Variants in SORBS2 observed in about 807,000 individuals in gnomAD.
SORBS2 encodes the protein sorbin and SH3 domain-containing protein 2.
A neutral mutation model predicts 97.7 loss-of-function variants in SORBS2; 46 were observed. That is an observed-to-expected ratio of 0.47 (90% CI 0.37 to 0.60). The LOEUF is 0.60. Ranked by LOEUF, SORBS2 falls within the 20% of genes least tolerant of loss-of-function variation. The pLI, the probability that SORBS2 is intolerant of heterozygous loss-of-function variation, is 0.00. For synonymous variants in SORBS2, 476 were observed against 473.4 expected, an observed-to-expected ratio of 1.01 and a Z score of -0.07; for missense variants, 1,316 against 1,282.3, an observed-to-expected ratio of 1.03 and a Z score of -0.40.
chr4:185,771,745 C>T (rs2098972803), intron 2 of SORBS2: 1 of 152,060 alleles, frequency 6.6e-6, no homozygotes, highest in Non-Finnish European at 1.5e-5. Flanking sequence ...CCAAAGATAG[C>T]CTAAATCTTT....
intron 1 of SORBS2, among the ~76,000 whole-genome samples, chr4:185,806,470 T>A (rs2099155323): frequency 1.6e-5 from 1 of 62,666 alleles, no homozygotes; most frequent in Admixed American, 2.0e-4. Flanking sequence ...TTTTTTTTTT[T>A]TTTTTGAGAC....
At chr4:185,779,938 G>A (rs1334888005) in intron 1 of SORBS2, among the ~76,000 whole-genome samples, 1 of 151,928 alleles carries the variant, frequency 6.6e-6, no homozygotes, top group Non-Finnish European at 1.5e-5. Context: ...GAAGGGATGG[G>A]GATGAACAGG....
At chr4:185,631,443 T>C (rs1362985443) in intron 4 of SORBS2, among the ~76,000 whole-genome samples, 2 of 152,184 alleles carry the variant, frequency 1.3e-5, no homozygotes, top group African/African-American at 4.8e-5. Flanking sequence ...GTGTTTGAGG[T>C]GACACTGTGG....
intron 1 of SORBS2, among the ~76,000 whole-genome samples, chr4:185,815,690 T>G (rs559549089): frequency 2.6e-5 from 4 of 152,290 alleles, no homozygotes; most frequent in East Asian, 1.9e-4. Context: ...TATCTATCTA[T>G]CTAGCTTCTA....
intron 1 of SORBS2, among the ~76,000 whole-genome samples, chr4:185,837,937 G>A (rs1278595545): frequency 6.6e-6 from 1 of 151,970 alleles, no homozygotes; most frequent in African/African-American, 2.4e-5. Context: ...TCCACTTGAA[G>A]TTTTTTGTTT....
intron 1 of SORBS2, among the ~76,000 whole-genome samples, chr4:185,934,356 C>G (rs965775470): frequency 6.6e-6 from 1 of 152,146 alleles, no homozygotes; most frequent in Non-Finnish European, 1.5e-5. Flanking sequence ...CTTGCACTCA[C>G]CAGTGAAACA....
At chr4:185,659,562 G>A (rs894298783), upstream of SORBS2, among the ~76,000 whole-genome samples, 1 of 150,524 alleles carries the variant, frequency 6.6e-6, no homozygotes, top group Non-Finnish European at 1.5e-5. Flanking sequence ...GACTACAGGT[G>A]CCCGCCATCA....
chr4:185,716,004 A>G (rs911139665), intron 2 of SORBS2, among the ~76,000 whole-genome samples: 1 of 152,230 alleles, frequency 6.6e-6, no homozygotes, highest in Non-Finnish European at 1.5e-5. Flanking sequence ...ACAGTCAGAG[A>G]CCTAAGAGAA....
At chr4:185,853,002 T>C (rs1257037094) in intron 1 of SORBS2, among the ~76,000 whole-genome samples, 2 of 152,086 alleles carry the variant, frequency 1.3e-5, no homozygotes, top group African/African-American at 4.8e-5. Flanking sequence ...ACTTTAAATA[T>C]AAGTGATGGG....
At chr4:185,785,036 G>T (rs2099049470) in intron 1 of SORBS2, among the ~76,000 whole-genome samples, 1 of 152,050 alleles carries the variant, frequency 6.6e-6, no homozygotes, top group South Asian at 2.1e-4. Flanking sequence ...AAACAGGAAC[G>T]CATTGTTTAT....
rs1165296812 is a variant in SORBS2 at position 185,623,893 on chromosome 4, T to C, written c.1236A>G (p.Thr412=). The change falls in exon 7 of 15, where the codon ACA becomes ACG. Residue 412 remains threonine, a synonymous_variant. Transcript: ENST00000418609. This position sits in a 1 kb window ranked among gnomAD's most constrained non-coding sequence, Gnocchi z 6.4. Reference sequence around the variant, plus strand: ...TCAGCTTTTCGAATTCGGAGATGCGTGTGGGCACCATGTCCCGGGGCACCT... The same window carrying C: ...TCAGCTTTTCGAATTCGGAGATGCGCGTGGGCACCATGTCCCGGGGCACCT... 2.5e-5 allele frequency: 41 copies of C among 1,614,110 alleles called. No homozygotes were observed. The highest frequency in any genetic ancestry group is 3.2e-5 in the Non-Finnish European group (38 of 1,180,006).
At chr4:185,931,169 G>A (rs996477142) in intron 1 of SORBS2, among the ~76,000 whole-genome samples, 1 of 152,036 alleles carries the variant, frequency 6.6e-6, no homozygotes, top group Non-Finnish European at 1.5e-5. Context: ...AACAGAGAAG[G>A]AAAAAGGAAG....
Position 185,735,694 on chromosome 4 carries a change from G to A in SORBS2, c.-198+39533C>T, listed in dbSNP as rs370765231. Reference sequence around the variant, plus strand: ...TCATGAAAATATTTACTGTGTGTACGTTTGTGTGTGTGTATGTGTGTGTGT... The same window carrying A: ...TCATGAAAATATTTACTGTGTGTACATTTGTGTGTGTGTATGTGTGTGTGT... On this transcript the variant is annotated intron_variant, in intron 2 of 20. Transcript: ENST00000284776. Among the ~76,000 whole-genome samples the A allele has an allele frequency of 3.4e-4, 51 of 152,074 alleles. 1 individual carries two copies. The highest frequency in any genetic ancestry group is 1.2e-3 in the African/African-American group (50 of 41,450).
At chr4:185,601,678 T>A (rs1337673491) in intron 12 of SORBS2, among the ~76,000 whole-genome samples, 1 of 151,662 alleles carries the variant, frequency 6.6e-6, no homozygotes. Flanking sequence ...TCAATGCATA[T>A]CAGAGCTCTT....
intron 2 of SORBS2, among the ~76,000 whole-genome samples, chr4:185,715,410 C>T (rs6825114): frequency 0.78 from 118,241 of 151,654 alleles, 47,348 homozygotes; most frequent in Non-Finnish European, 0.89. Context: ...TATGAAAAGG[C>T]CAAAGGAACA....
At chr4:185,932,523 C>G (rs2099266986) in intron 1 of SORBS2, among the ~76,000 whole-genome samples, 1 of 152,060 alleles carries the variant, frequency 6.6e-6, no homozygotes, top group African/African-American at 2.4e-5. Context: ...AGACCTATAC[C>G]AAATCAACAC....
chr4:185,585,574 C>T (rs1319527753), exon 15 of SORBS2: 1 of 152,106 alleles, frequency 6.6e-6, no homozygotes, highest in Admixed American at 6.5e-5. Context: ...AACACAATGA[C>T]CTTTGCTTGT....
At chr4:185,829,419 T>C (rs2099203892) in intron 1 of SORBS2, among the ~76,000 whole-genome samples, 1 of 152,226 alleles carries the variant, frequency 6.6e-6, no homozygotes, top group Non-Finnish European at 1.5e-5. Context: ...CTAATCTTTT[T>C]TCAGGATTTT....
chr4:185,712,614 C>G lies in SORBS2; in HGVS notation c.-197-33792G>C, dbSNP rs572468328. ...CCGCCCGTGGACAGCAGAGCTAGAACAGCACTGCAACACGCCCTCTGGGGC... is the reference window on the plus strand; with the variant it reads ...CCGCCCGTGGACAGCAGAGCTAGAAGAGCACTGCAACACGCCCTCTGGGGC... On this transcript the variant is annotated intron_variant, in intron 2 of 20. Coordinates refer to the SORBS2 transcript ENST00000284776. Among the ~76,000 whole-genome samples, 500 of 152,348 alleles carry G rather than the reference C, an allele frequency of 3.3e-3. 3 individuals are homozygous for G. Among genetic ancestry groups the G allele is most frequent in the African/African-American group, 0.012 (480 of 41,588 alleles).
Sources: allele counts gnomAD v4.1 joint callset (sites outside exome capture counted in the v4.1 genomes callset), GRCh38; gene constraint gnomAD v4.1.1; non-coding constraint Gnocchi (gnomAD v3.1); transcripts MANE v1.5; gene names NCBI Gene and HGNC (gene_info 2026-07-23, HGNC 2026-07-21).